MTRF1: variants seen among roughly 807,000 people sequenced by gnomAD.
MTRF1 encodes mitochondrial translation release factor 1.
In MTRF1, 51 loss-of-function variants were observed where a neutral mutation model predicts 62.9. The ratio of observed to expected loss-of-function variants is 0.81; its 90% confidence interval spans 0.65 to 1.02. MTRF1 has a LOEUF of 1.02. MTRF1 is among the 50% of genes least tolerant of loss of function. MTRF1 has a pLI of 0.00. For synonymous variants in MTRF1, 158 were observed against 181.9 expected (o/e 0.87, Z 1.06); for missense variants, 446 against 530.0 (o/e 0.84, Z 1.56).
chr13:41,309,293 A>AGCATCCCAAGTAGCTG, the MTRF1 span, among the ~76,000 whole-genome samples: 3 of 150,906 alleles, frequency 2.0e-5, no homozygotes, highest in African/African-American at 7.3e-5. Context: ...CTCGCACCTC[A>AGCATCCCAAGTAGCTG]GCATCCCAAG....
At chr13:41,234,087 CTG>C in intron 6 of MTRF1, 80 bp from the exon 7 acceptor site, 3 of 1,122,710 alleles carry the variant, frequency 2.7e-6, no homozygotes, top group Admixed American at 1.8e-5. Context: ...TTCAAATAAA[CTG>C]TATTGTTTTA....
the MTRF1 span, among the ~76,000 whole-genome samples, chr13:41,303,509 T>C: frequency 2.0e-5 from 3 of 152,164 alleles, no homozygotes; most frequent in Non-Finnish European, 4.4e-5. Context: ...TAATCTACAT[T>C]TAGGAGAAGA....
the MTRF1 span, among the ~76,000 whole-genome samples, chr13:41,285,323 T>C: frequency 6.6e-6 from 1 of 152,220 alleles, no homozygotes; most frequent in African/African-American, 2.4e-5. Flanking sequence ...TCTTCCTGGG[T>C]TGATCTTCAC....
intron 8 of MTRF1, among the ~76,000 whole-genome samples, chr13:41,224,445 A>C (rs1332914424): frequency 2.6e-5 from 4 of 152,250 alleles, no homozygotes; most frequent in African/African-American, 4.8e-5. Flanking sequence ...AAGTGATATG[A>C]AACTAAACTC....
the MTRF1 span, among the ~76,000 whole-genome samples, chr13:41,302,317 A>C: frequency 6.6e-6 from 1 of 152,084 alleles, no homozygotes; most frequent in Non-Finnish European, 1.5e-5. Flanking sequence ...GGTGCGAGCC[A>C]CCGTGCCTGG....
At chr13:41,236,119 G>T (rs1196515996) in intron 6 of MTRF1, 17 of 104,066 alleles carry the variant, frequency 1.6e-4, no homozygotes, top group Non-Finnish European at 3.2e-4. Flanking sequence ...TGTTTTTTTT[G>T]GTTTTTTTTT....
chr13:41,299,207 AAG>A, the MTRF1 span, among the ~76,000 whole-genome samples: 1 of 151,734 alleles, frequency 6.6e-6, no homozygotes, highest in Non-Finnish European at 1.5e-5. Flanking sequence ...AGAAAAAAAA[AAG>A]AGAGAGAGAG....
chr13:41,297,723 A>T, the MTRF1 span, among the ~76,000 whole-genome samples: 15 of 151,796 alleles, frequency 9.9e-5, no homozygotes, highest in Non-Finnish European at 2.1e-4. Flanking sequence ...TTACAGGTGT[A>T]TGCCACTACA....
At chr13:41,261,693 A>G in intron 1 of MTRF1, 2 of 492,272 alleles carry the variant, frequency 4.1e-6, no homozygotes, top group Non-Finnish European at 2.6e-6. Flanking sequence ...CAAGTAACTT[A>G]ATCACGACTA....
chr13:41,289,515 C>T, the MTRF1 span, among the ~76,000 whole-genome samples: 26 of 152,140 alleles, frequency 1.7e-4, no homozygotes, highest in Non-Finnish European at 2.4e-4. Flanking sequence ...GGATTACAGG[C>T]GTGAGCCGCC....
At chr13:41,311,731 T>C in the MTRF1 span, 1 of 721,154 alleles carries the variant, frequency 1.4e-6, no homozygotes, top group South Asian at 1.8e-5. Flanking sequence ...GGACCCCACT[T>C]TCCCGCTCCG....
chr13:41,257,791 C>T (rs1222779751), intron 2 of MTRF1: 1 of 450,510 alleles, frequency 2.2e-6, no homozygotes, highest in Non-Finnish European at 4.5e-6. Flanking sequence ...GAGCAAGACT[C>T]TGTCTCTTAA....
At chr13:41,291,465 C>T in the MTRF1 span, among the ~76,000 whole-genome samples, 1 of 152,210 alleles carries the variant, frequency 6.6e-6, no homozygotes. Context: ...GGTGAGCTGC[C>T]GCACCTGGTC....
chr13:41,243,484 G>A (rs60214926), intron 5 of MTRF1, among the ~76,000 whole-genome samples: 4,328 of 151,708 alleles, frequency 0.029, 212 homozygotes, highest in African/African-American at 0.099. Flanking sequence ...TGTGTGGGCA[G>A]GTATCATCTG....
chr13:41,297,577 C>CTT, the MTRF1 span, among the ~76,000 whole-genome samples: 11 of 143,688 alleles, frequency 7.7e-5, no homozygotes, highest in Non-Finnish European at 1.1e-4. Flanking sequence ...CTTTTAATTG[C>CTT]TTTTTTTTTT....
At chr13:41,237,053 T>C (rs901480301) in intron 6 of MTRF1, among the ~76,000 whole-genome samples, 5 of 151,630 alleles carry the variant, frequency 3.3e-5, no homozygotes, top group African/African-American at 1.2e-4. Flanking sequence ...ACCTCGTCGC[T>C]ACAAAAAATA....
Position 41,260,578 on chromosome 13 carries a change from A to C in MTRF1, c.330T>G (p.His110Gln). ...EENRRSLNRR[H>Q]AELAPLAAIY... is the part of the protein sequence containing the mutation. Reference sequence around the variant, plus strand: ...TGGCTGCAAGAGGTGCCAACTCAGCATGCCTTCTGTTCAAGGACCTTCGGT... The same window carrying C: ...TGGCTGCAAGAGGTGCCAACTCAGCCTGCCTTCTGTTCAAGGACCTTCGGT... The change falls in exon 2 of 10, where the codon CAT becomes CAG. Residue 110 changes from histidine (H) to glutamine (Q), a missense_variant. Coordinates refer to ENST00000379480, the MANE Select transcript of MTRF1 (RefSeq NM_004294.4). 1 of 1,614,184 alleles carries C rather than the reference A, an allele frequency of 6.2e-7. No individual in the cohort carries two copies. Among genetic ancestry groups the C allele is most frequent in the Non-Finnish European group, 8.5e-7 (1 of 1,180,036 alleles).
intron 5 of MTRF1, among the ~76,000 whole-genome samples, chr13:41,242,245 A>G (rs9594503): frequency 0.016 from 2,459 of 152,338 alleles, 81 homozygotes; most frequent in African/African-American, 0.056. Flanking sequence ...GTTTAAATCA[A>G]GCACAATTAT....
intron 5 of MTRF1, among the ~76,000 whole-genome samples, chr13:41,247,010 G>A (rs2038355237): frequency 6.6e-6 from 1 of 152,218 alleles, no homozygotes; most frequent in Admixed American, 6.5e-5. Flanking sequence ...CCTGAAGGGA[G>A]AAACATTCAC....
Sources: allele counts gnomAD v4.1 joint callset (sites outside exome capture counted in the v4.1 genomes callset), GRCh38; gene constraint gnomAD v4.1.1; transcripts MANE v1.5; gene names NCBI Gene and HGNC (gene_info 2026-07-23, HGNC 2026-07-21).